Variants in UGGT2 observed in about 807,000 individuals in gnomAD.
UGGT2 encodes the protein UDP-glucose glycoprotein glucosyltransferase 2.
A neutral mutation model predicts 192.1 loss-of-function variants in UGGT2; 180 were observed. The ratio of observed to expected loss-of-function variants is 0.94; its 90% CI spans 0.83 to 1.06. The LOEUF (loss-of-function observed/expected upper bound fraction) is 1.06. Ranked by LOEUF, UGGT2 falls within the 50% of genes least tolerant of loss-of-function variation. The pLI, the probability that UGGT2 is intolerant of heterozygous loss-of-function variation, is 0.00. For missense variants in UGGT2, 1,849 were observed against 1,795.7 expected (o/e 1.03, Z -0.54); for synonymous variants, 580 against 591.0 (o/e 0.98, Z 0.27).
chr13:95,972,301 C>CT (rs145300949), intron 11 of UGGT2, among the ~76,000 whole-genome samples: 3,537 of 152,256 alleles, frequency 0.023, 135 homozygotes, highest in African/African-American at 0.081. Context: ...AACTTCTCTG[C>CT]AAATCATCAA....
At chr13:95,875,067 G>A (rs1297581606) in intron 29 of UGGT2, among the ~76,000 whole-genome samples, 3 of 152,132 alleles carry the variant, frequency 2.0e-5, no homozygotes, top group Non-Finnish European at 4.4e-5. Flanking sequence ...CCCAATGGAA[G>A]TGAAAAACAG....
At position 96,050,668 on chromosome 13, in the gene UGGT2, G is replaced by T. The variant is rs529348635; in HGVS notation, c.158+2487C>A. On this transcript the variant is annotated intron_variant, in intron 1 of 38. Coordinates refer to ENST00000376747, the MANE Select transcript of UGGT2 (RefSeq NM_020121.4). ...TAAACGACCCCATCAAAAAGTGGGT[G>T]AAGGATATGAACAGACACTTCTCAA... Among the ~76,000 whole-genome samples, 206 of 152,300 alleles carry T rather than the reference G, an allele frequency of 1.4e-3. 1 individual carries two copies. Among genetic ancestry groups the T allele is most frequent in the African/African-American group, 4.6e-3 (193 of 41,572 alleles).
At chr13:95,847,058 TTTC>T (rs1385091632) in intron 36 of UGGT2, among the ~76,000 whole-genome samples, 1,020 of 77,100 alleles carry the variant, frequency 0.013, 2 homozygotes, top group Non-Finnish European at 0.018. Flanking sequence ...TTTCTTTTCT[TTTC>T]TTTTTTTTTT....
chr13:95,982,115 G>A (rs2051144908), intron 10 of UGGT2, among the ~76,000 whole-genome samples: 1 of 152,206 alleles, frequency 6.6e-6, no homozygotes, highest in African/African-American at 2.4e-5. Flanking sequence ...TAGATAAGGT[G>A]ATGGCCATAG....
chr13:95,877,004 C>G, intron 29 of UGGT2: 1 of 231,008 alleles, frequency 4.3e-6, no homozygotes, highest in Non-Finnish European at 8.3e-6. Context: ...GGGCCTCAGT[C>G]TCCTGAATAG....
In UGGT2 at chr13:95,860,867, G is replaced by T. The variant is rs760118579; in HGVS notation, c.3661C>A (p.His1221Asn). The T allele has an allele frequency of 1.9e-6, 3 of 1,562,978 alleles. No homozygotes were observed. In the South Asian group the frequency reaches 3.8e-5, roughly 20 times the overall value. The change falls in exon 32 of 39, where the codon CAT (histidine) becomes AAT (asparagine). Residue 1221 changes from histidine (H) to asparagine (N), a missense_variant. Coordinates refer to ENST00000376747, the MANE Select transcript of UGGT2 (RefSeq NM_020121.4). ...DSIKSFTVSLHKENKKEKDVL... is the reference protein window; with the variant it reads ...DSIKSFTVSLNKENKKEKDVL... The stretch of plus-strand genomic sequence containing the variant: ...TCTTTTTCCTTTTTGTTTTCTTTAT[G>T]CAAGCTTACTGTGAAACTTGGAATA...
At chr13:96,001,706 T>C (rs1243250281) in intron 5 of UGGT2, among the ~76,000 whole-genome samples, 2 of 152,204 alleles carry the variant, frequency 1.3e-5, no homozygotes, top group Non-Finnish European at 2.9e-5. Flanking sequence ...GATTTTCTTA[T>C]AAATTTTTAC....
intron 20 of UGGT2, among the ~76,000 whole-genome samples, chr13:95,915,402 C>T (rs992163992): frequency 1.3e-5 from 2 of 152,172 alleles, no homozygotes; most frequent in East Asian, 3.8e-4. Flanking sequence ...GTCTGTCTCC[C>T]TATGCACGCT....
chr13:96,048,586 G>A lies in UGGT2; in HGVS notation c.158+4569C>T, dbSNP rs373640980. Among the ~76,000 whole-genome samples the A allele has an allele frequency of 1.2e-4, 18 of 152,114 alleles. No individual in the cohort carries two copies. In the East Asian group the frequency reaches 1.4e-3, roughly 11 times the overall value. ...AAAAGATCAACAAAATTGATAGACC[G>A]CTAGCAAGACTAATAAAGAAGAAAA... On this transcript the variant is annotated intron_variant, in intron 1 of 38. Transcript: ENST00000376747.
chr13:95,980,663 C>A (rs1326485235), intron 10 of UGGT2, among the ~76,000 whole-genome samples: 3 of 152,126 alleles, frequency 2.0e-5, no homozygotes, highest in South Asian at 2.1e-4. Context: ...TTAACTAAAG[C>A]CTTTGCGCCC....
chr13:95,867,205 C>T, intron 30 of UGGT2, 134 bp downstream of exon 30: 1 of 749,982 alleles, frequency 1.3e-6, no homozygotes, highest in Middle Eastern at 4.1e-4. Flanking sequence ...TTTTTTACTG[C>T]TGGAGTTCAA....
At chr13:95,801,926 T>C in intron 38 of UGGT2, 114 bp from the exon 39 acceptor site, 1 of 1,188,446 alleles carries the variant, frequency 8.4e-7, no homozygotes, top group Middle Eastern at 2.0e-4. Context: ...CTTTATTTGC[T>C]AGTTCAGTAC....
At chr13:95,878,525 C>T (rs563965097) in intron 27 of UGGT2, among the ~76,000 whole-genome samples, 1 of 152,126 alleles carries the variant, frequency 6.6e-6, no homozygotes, top group Non-Finnish European at 1.5e-5. Flanking sequence ...CTGGACATTC[C>T]AGTTGTTTCT....
chr13:95,942,377 T>A (rs1177043764), intron 15 of UGGT2, among the ~76,000 whole-genome samples: 1 of 152,068 alleles, frequency 6.6e-6, no homozygotes, highest in Non-Finnish European at 1.5e-5. Flanking sequence ...AGGGTAGCAA[T>A]GTAAATGTAA....
intron 30 of UGGT2, among the ~76,000 whole-genome samples, chr13:95,864,755 A>C (rs1248226666): frequency 6.6e-6 from 1 of 151,982 alleles, no homozygotes; most frequent in East Asian, 1.9e-4. Flanking sequence ...TTCTTTCTAG[A>C]TTTTCTTTAC....
chr13:95,980,116 C>G (rs2051069844), intron 10 of UGGT2, among the ~76,000 whole-genome samples: 1 of 152,158 alleles, frequency 6.6e-6, no homozygotes, highest in Non-Finnish European at 1.5e-5. Context: ...ACCATTTGAT[C>G]TAGCAATCCC....
At chr13:95,824,562 C>CT (rs1170925726) in intron 38 of UGGT2, among the ~76,000 whole-genome samples, 1 of 152,084 alleles carries the variant, frequency 6.6e-6, no homozygotes. Flanking sequence ...CTTTTGTCTA[C>CT]ATGTTGTAGT....
At chr13:95,825,536 G>A (rs918868183) in intron 38 of UGGT2, among the ~76,000 whole-genome samples, 26 of 152,272 alleles carry the variant, frequency 1.7e-4, no homozygotes, top group Admixed American at 6.6e-5. Context: ...AATTGTGACT[G>A]CCTCTTGTGC....
At chr13:95,828,930 G>A in intron 38 of UGGT2, among the ~76,000 whole-genome samples, 1 of 152,094 alleles carries the variant, frequency 6.6e-6, no homozygotes, top group Non-Finnish European at 1.5e-5. Flanking sequence ...ATAAAATACT[G>A]GCAAACCAAA....
Sources: allele counts gnomAD v4.1 joint callset (sites outside exome capture counted in the v4.1 genomes callset), GRCh38; gene constraint gnomAD v4.1.1; transcripts MANE v1.5; gene names NCBI Gene and HGNC (gene_info 2026-07-23, HGNC 2026-07-21).